The following LRRTM3 variants were observed in gnomAD, a reference collection of about 807,000 sequenced individuals.
LRRTM3 encodes the protein leucine rich repeat transmembrane neuronal 3.
LRRTM3 carries 24 observed loss-of-function variants against 44.7 expected under a neutral mutation model. That is an observed-to-expected ratio of 0.54 (90% CI 0.39 to 0.76). The LOEUF (loss-of-function observed/expected upper bound fraction) is 0.76, where lower values mean the gene tolerates loss of function less well. LRRTM3 is among the 30% of genes least tolerant of loss of function. The pLI is 0.00. For synonymous variants in LRRTM3, 277 were observed against 278.7 expected (o/e 0.99, Z 0.06); for missense variants, 587 against 702.2 (o/e 0.84, Z 1.85).
chr10:67,096,140 T>C lies in LRRTM3; in HGVS notation c.1537-1447T>C, dbSNP rs960634798. 2.6e-5 allele frequency among the ~76,000 whole-genome samples: 4 copies of C among 151,942 alleles called. No homozygotes were observed. The South Asian group carries it at 8.3e-4, about 31-fold the overall frequency. On this transcript the variant is annotated intron_variant, in intron 2 of 2. Coordinates refer to ENST00000361320, the MANE Select transcript of LRRTM3 (RefSeq NM_178011.5). Reference sequence around the variant, plus strand: ...ATTTCTCTAAGAACTAAGCTATATATATTTTATATGCCGAAATATTCATAT... The same window carrying C: ...ATTTCTCTAAGAACTAAGCTATATACATTTTATATGCCGAAATATTCATAT...
chr10:66,968,119 G>GA (rs1849533802), intron 2 of LRRTM3, among the ~76,000 whole-genome samples: 1 of 151,930 alleles, frequency 6.6e-6, no homozygotes, highest in Non-Finnish European at 1.5e-5. Context: ...TCTGTTTCTA[G>GA]AAAAAACTTG....
intron 2 of LRRTM3, among the ~76,000 whole-genome samples, chr10:67,082,371 C>A (rs1406105280): frequency 6.6e-6 from 1 of 152,062 alleles, no homozygotes; most frequent in Non-Finnish European, 1.5e-5. Context: ...ATTGCGATTT[C>A]GCTAGCACTG....
intron 2 of LRRTM3, among the ~76,000 whole-genome samples, chr10:67,066,195 C>CTTTTT (rs71006118): frequency 0.013 from 1,605 of 123,026 alleles, 107 homozygotes; most frequent in African/African-American, 0.046. Flanking sequence ...AAGTCACTGG[C>CTTTTT]TTTTTTTTTT....
chr10:66,967,333 C>CAT (rs558943403), intron 2 of LRRTM3, among the ~76,000 whole-genome samples: 3,556 of 140,874 alleles, frequency 0.025, 72 homozygotes, highest in African/African-American at 0.049. Flanking sequence ...TGGATATAGA[C>CAT]ATATATATAT....
chr10:66,958,460 CT>C (rs34122059), intron 2 of LRRTM3, among the ~76,000 whole-genome samples: 141,600 of 151,544 alleles, frequency 0.93, 66,617 homozygotes, highest in Non-Finnish European at 0.99. Flanking sequence ...AAATAAAAAG[CT>C]TTTTTTTTTA....
chr10:66,962,053 G>A (rs1849138557), intron 2 of LRRTM3, among the ~76,000 whole-genome samples: 1 of 152,090 alleles, frequency 6.6e-6, no homozygotes, highest in Non-Finnish European at 1.5e-5. Context: ...CGTTATTCCT[G>A]TCTTGGTTTA....
intron 2 of LRRTM3, among the ~76,000 whole-genome samples, chr10:66,953,661 A>G (rs562175118): frequency 8.5e-5 from 13 of 152,134 alleles, no homozygotes; most frequent in Non-Finnish European, 1.6e-4. Context: ...AATTTCATCT[A>G]TTTTCTACAT....
intron 2 of LRRTM3, among the ~76,000 whole-genome samples, chr10:67,036,270 C>T (rs1260858560): frequency 6.6e-6 from 1 of 151,784 alleles, no homozygotes; most frequent in Non-Finnish European, 1.5e-5. Flanking sequence ...CTCCACCACA[C>T]CCAGCTTTTT....
intron 2 of LRRTM3, among the ~76,000 whole-genome samples, chr10:66,975,109 A>G (rs527855334): frequency 1.7e-4 from 26 of 152,154 alleles, no homozygotes; most frequent in Non-Finnish European, 3.5e-4. Flanking sequence ...CTTTAGTCCC[A>G]TTTAAAATCG....
chr10:67,087,966 GT>G lies in LRRTM3; in HGVS notation c.1537-9619del, dbSNP rs561320899. On this transcript the variant is annotated intron_variant, in intron 2 of 2. Coordinates refer to ENST00000361320, the MANE Select transcript of LRRTM3 (RefSeq NM_178011.5). ...GTCATAGATTCTTGTGCTCAAAAAG[GT>G]TATGGTCTAATATGAGATAAAAGAT... 9.9e-5 allele frequency among the ~76,000 whole-genome samples: 15 copies of G among 152,042 alleles called. No individual in the cohort carries two copies. In the South Asian group the frequency reaches 3.1e-3, roughly 32 times the overall value.
chr10:66,935,388 C>A (rs776287387), intron 2 of LRRTM3, among the ~76,000 whole-genome samples: 1 of 151,984 alleles, frequency 6.6e-6, no homozygotes, highest in East Asian at 1.9e-4. Context: ...TAAAATTCAG[C>A]GCTTTGAGAT....
In LRRTM3 at chr10:66,927,902, G is replaced by A. The variant is rs547486363; in HGVS notation, c.986G>A (p.Ser329Asn). 2 of 1,614,236 alleles carry A rather than the reference G, an allele frequency of 1.2e-6. No individual in the cohort carries two copies. The highest frequency in any genetic ancestry group is 3.3e-5 in the Admixed American group (2 of 60,036). ...NICSLVNWLKSFKGLRENTII... is the reference protein window; with the variant it reads ...NICSLVNWLKNFKGLRENTII... ...TGCTCCCTTGTAAACTGGCTGAAAAGTTTTAAAGGTCTAAGGGAGAATACA... is the reference window on the plus strand; with the variant it reads ...TGCTCCCTTGTAAACTGGCTGAAAAATTTTAAAGGTCTAAGGGAGAATACA... Residue 329 changes from serine to asparagine, a missense_variant, in exon 2 of 3, where the codon AGT becomes AAT. By Grantham distance (46) the Ser-to-Asn change is conservative (BLOSUM62 1). Transcript: ENST00000361320. The surrounding 1 kb of genome is among the most constrained non-coding windows in gnomAD (Gnocchi z 4.7).
At chr10:67,060,660 G>T (rs1855705278) in intron 2 of LRRTM3, among the ~76,000 whole-genome samples, 1 of 151,748 alleles carries the variant, frequency 6.6e-6, no homozygotes, top group African/African-American at 2.4e-5. Flanking sequence ...TTTACCATGG[G>T]TTCCTGTCTC....
At chr10:66,941,714 G>A (rs951278569) in intron 2 of LRRTM3, among the ~76,000 whole-genome samples, 3 of 152,164 alleles carry the variant, frequency 2.0e-5, no homozygotes, top group African/African-American at 4.8e-5. Context: ...CGCACTGCCC[G>A]TGCCAGCCAG....
At chr10:66,941,550 G>T (rs1324012664) in intron 2 of LRRTM3, among the ~76,000 whole-genome samples, 1 of 152,036 alleles carries the variant, frequency 6.6e-6, no homozygotes, top group Non-Finnish European at 1.5e-5. Context: ...CAACCTGTCT[G>T]TTGCTAGAAT....
rs1858155845 is a variant in LRRTM3 at position 67,098,655 on chromosome 10, AC to A, written c.*860del. 1 of 152,342 alleles carries A rather than the reference AC, an allele frequency of 6.6e-6. No individual in the cohort carries two copies. Among genetic ancestry groups the A allele is most frequent in the African/African-American group, 2.4e-5 (1 of 41,404 alleles). 9.4% of individuals were successfully genotyped at this position (152,342 alleles called of 1,614,324 possible). A position where few individuals can be genotyped will look rare whatever the true frequency, so the allele number is the denominator to read the frequency against. On this transcript the variant is annotated 3_prime_UTR_variant, in exon 3 of 3. Coordinates refer to ENST00000361320, the MANE Select transcript of LRRTM3 (RefSeq NM_178011.5). ...TGGGGGAAAGCATGGACAAAACATCACTGGAAACAAAGGCTGTAACCACAGC... is the reference window on the plus strand; with the variant it reads ...TGGGGGAAAGCATGGACAAAACATCATGGAAACAAAGGCTGTAACCACAGC...
At chr10:67,065,502 C>T in intron 2 of LRRTM3, among the ~76,000 whole-genome samples, 1 of 152,012 alleles carries the variant, frequency 6.6e-6, no homozygotes, top group East Asian at 1.9e-4. Context: ...GCTAGCTTCC[C>T]ACCACATCTG....
intron 2 of LRRTM3, among the ~76,000 whole-genome samples, chr10:66,941,805 A>G (rs1260093988): frequency 1.3e-5 from 2 of 152,234 alleles, no homozygotes; most frequent in Non-Finnish European, 2.9e-5. Context: ...AAAAAATGAC[A>G]AAAGAGGTTC....
chr10:67,003,144 C>T (rs1244760066), intron 2 of LRRTM3, among the ~76,000 whole-genome samples: 1 of 152,154 alleles, frequency 6.6e-6, no homozygotes, highest in Non-Finnish European at 1.5e-5. Context: ...CATCCCGCCA[C>T]AGTGACTTCA....
Sources: gnomAD v4.1 joint callset for allele counts (sites outside exome capture counted in the v4.1 genomes callset) on GRCh38, gnomAD v4.1.1 for gene constraint, Gnocchi (gnomAD v3.1) non-coding constraint, MANE v1.5 for transcripts, NCBI Gene and HGNC (gene_info 2026-07-23, HGNC 2026-07-21) for gene names.